The following CHN2 variants were observed in gnomAD, a reference collection of about 807,000 sequenced individuals.
CHN2 encodes the protein chimerin 2, also known as beta-chimaerin.
Under a neutral mutation model 56.3 loss-of-function variants are expected in CHN2, and 35 were observed. The ratio of observed to expected loss-of-function variants is 0.62; its 90% confidence interval spans 0.47 to 0.82. CHN2 has a LOEUF of 0.82. Among genes scored for constraint, CHN2 ranks in the 40% least tolerant of loss-of-function variants. The probability of loss-of-function intolerance (pLI) is 0.00; values close to 1 mark genes in which losing one functional copy is unlikely to be tolerated. For synonymous variants in CHN2, 210 were observed against 212.8 expected (o/e 0.99, Z 0.12); for missense variants, 491 against 580.5 (o/e 0.85, Z 1.58).
intron 1 of CHN2, among the ~76,000 whole-genome samples, chr7:29,326,318 C>T (rs1033904293): frequency 6.6e-6 from 1 of 152,062 alleles, no homozygotes; most frequent in Admixed American, 6.6e-5. Context: ...CCACCATGCC[C>T]AGCTAATTTT....
At chr7:29,186,504 A>T (rs756282077) in intron 2 of CHN2, 7 of 151,672 alleles carry the variant, frequency 4.6e-5, no homozygotes, top group Non-Finnish European at 7.4e-5. Context: ...CCCAGGAGGT[A>T]GAGGCTGTAG....
intron 1 of CHN2, among the ~76,000 whole-genome samples, chr7:29,247,639 CA>C (rs1281210147): frequency 2.6e-5 from 4 of 152,284 alleles, no homozygotes; most frequent in Admixed American, 2.6e-4. Flanking sequence ...GAAAACAAAA[CA>C]AAATACGCAA....
At position 29,401,095 on chromosome 7, in the gene CHN2, C is replaced by T. The variant is rs190295129; in HGVS notation, c.576+267C>T. 5.3e-4 allele frequency: 196 copies of T among 370,810 alleles called. 3 individuals carry two copies. The East Asian group carries it at 8.7e-3, about 16-fold the overall frequency. The allele number at this position is 370,810 out of a possible 1,614,324, so 23.0% of individuals were successfully genotyped here. On this transcript the variant is annotated intron_variant, in intron 6 of 12. Coordinates refer to ENST00000222792, the MANE Select transcript of CHN2 (RefSeq NM_004067.4). Reference sequence around the variant, plus strand: ...CATCCTGGCTAACACGGTGAAACCCCGTCTCTACAAAAAATACAAAAAATC... The same window carrying T: ...CATCCTGGCTAACACGGTGAAACCCTGTCTCTACAAAAAATACAAAAAATC...
chr7:29,208,698 T>G (rs117144606), intron 1 of CHN2: 1 of 152,260 alleles, frequency 6.6e-6, no homozygotes, highest in Admixed American at 6.5e-5. Flanking sequence ...CCAACACATA[T>G]AACACATTCA....
intron 3 of CHN2, among the ~76,000 whole-genome samples, chr7:29,387,592 A>C (rs1238420318): frequency 6.6e-6 from 1 of 152,232 alleles, no homozygotes; most frequent in African/African-American, 2.4e-5. Flanking sequence ...ATTTCTAGCA[A>C]ATTCCAAGAT....
At chr7:29,420,454 A>G (rs888730586) in intron 6 of CHN2, among the ~76,000 whole-genome samples, 6 of 152,248 alleles carry the variant, frequency 3.9e-5, no homozygotes, top group African/African-American at 1.4e-4. Context: ...CTTCAAAAGG[A>G]AGGAAACCCT....
chr7:29,275,138 G>A (rs1791080488), intron 1 of CHN2, among the ~76,000 whole-genome samples: 1 of 152,122 alleles, frequency 6.6e-6, no homozygotes, highest in South Asian at 2.1e-4. Flanking sequence ...CTGTAAAATG[G>A]GTATAGCAAT....
chr7:29,240,139 C>T (rs1431406400), intron 1 of CHN2, among the ~76,000 whole-genome samples: 1 of 152,156 alleles, frequency 6.6e-6, no homozygotes, highest in Admixed American at 6.5e-5. Context: ...GAGGTATCCA[C>T]CTTGGGCTTC....
chr7:29,220,093 A>T (rs180962691), intron 1 of CHN2, among the ~76,000 whole-genome samples: 3,829 of 146,238 alleles, frequency 0.026, 164 homozygotes, highest in African/African-American at 0.089. Context: ...AAAAAAATTT[A>T]AAAAAAAAGG....
intron 6 of CHN2, among the ~76,000 whole-genome samples, chr7:29,420,106 TAAAAA>T (rs939193315): frequency 6.8e-6 from 1 of 147,020 alleles, no homozygotes; most frequent in Non-Finnish European, 1.5e-5. Flanking sequence ...TAGCTACAAT[TAAAAA>T]AAAAAGTAAC....
chr7:29,456,509 G>A lies in CHN2; in HGVS notation c.577-23770G>A, dbSNP rs184630693. ...CTGTGCCCATTCATGCTCCATAAAT[G>A]ACTGTATGAGCTCCAGGGTTTAAGT... On this transcript the variant is annotated intron_variant, in intron 6 of 12. Transcript: ENST00000222792. Among the ~76,000 whole-genome samples the A allele has an allele frequency of 5.3e-5, 8 of 152,196 alleles. No individual in the cohort carries two copies. In the East Asian group the frequency reaches 1.5e-3, roughly 29 times the overall value.
chr7:29,443,330 T>C (rs947601629), intron 6 of CHN2, among the ~76,000 whole-genome samples: 2 of 152,150 alleles, frequency 1.3e-5, no homozygotes, highest in Admixed American at 6.5e-5. Flanking sequence ...AGTACTGAAG[T>C]TGGTCAACAG....
intron 6 of CHN2, among the ~76,000 whole-genome samples, chr7:29,428,729 A>G (rs62457772): frequency 0.1 from 15,402 of 152,204 alleles, 983 homozygotes; most frequent in Non-Finnish European, 0.14. Context: ...TTTATGTAAA[A>G]ACTACTTATA....
At chr7:29,489,448 C>T (rs185504835) in intron 7 of CHN2, among the ~76,000 whole-genome samples, 165 of 152,232 alleles carry the variant, frequency 1.1e-3, no homozygotes, top group South Asian at 4.2e-3. Flanking sequence ...TTTTAAGATA[C>T]GGTATATTTC....
At chr7:29,446,282 T>G (rs990997239) in intron 6 of CHN2, among the ~76,000 whole-genome samples, 2 of 152,048 alleles carry the variant, frequency 1.3e-5, no homozygotes, top group Non-Finnish European at 2.9e-5. Flanking sequence ...CTATTGAAAT[T>G]TAAAAAACAA....
intron 2 of CHN2, among the ~76,000 whole-genome samples, chr7:29,156,315 G>A (rs371599445): frequency 3.5e-4 from 53 of 152,222 alleles, no homozygotes; most frequent in African/African-American, 1.2e-3. Flanking sequence ...AACAAATTTC[G>A]ATGATTAAAT....
chr7:29,265,690 G>C (rs539669682), intron 1 of CHN2, among the ~76,000 whole-genome samples: 1 of 152,088 alleles, frequency 6.6e-6, no homozygotes, highest in South Asian at 2.1e-4. Flanking sequence ...TCTCTCTCTG[G>C]TTTCGGAAAG....
At chr7:29,308,356 C>T (rs79273786) in intron 1 of CHN2, among the ~76,000 whole-genome samples, 64 of 152,328 alleles carry the variant, frequency 4.2e-4, no homozygotes, top group African/African-American at 1.5e-3. Context: ...AACCCTTCCT[C>T]CTCTGTTAGT....
chr7:29,429,582 GACACACAC>G (rs758603430), intron 6 of CHN2, among the ~76,000 whole-genome samples: 3 of 122,136 alleles, frequency 2.5e-5, no homozygotes, highest in East Asian at 2.6e-4. Flanking sequence ...CACACACACA[GACACACAC>G]ACACACCCAT....
Sources: gnomAD v4.1 joint callset for allele counts (sites outside exome capture counted in the v4.1 genomes callset) on GRCh38, gnomAD v4.1.1 for gene constraint, MANE v1.5 for transcripts, NCBI Gene and HGNC (gene_info 2026-07-23, HGNC 2026-07-21) for gene names.